Variants in CRACD observed in about 807,000 individuals in gnomAD.
The protein encoded by CRACD is capping protein inhibiting regulator of actin dynamics.
CRACD carries 56 observed loss-of-function variants against 106.8 expected under a neutral mutation model. The observed-to-expected ratio is 0.52, with a 90% CI of 0.42 to 0.66. CRACD has a LOEUF of 0.66. Among genes scored for constraint, CRACD ranks in the 30% least tolerant of loss-of-function variants. The pLI is 0.00. For missense variants in CRACD, 1,730 were observed against 1,623.2 expected (o/e 1.07, Z -1.13); for synonymous variants, 754 against 670.8 (o/e 1.12, Z -1.92).
intron 1 of CRACD, among the ~76,000 whole-genome samples, chr4:56,092,673 A>T (rs1431110278): frequency 1.3e-5 from 2 of 151,998 alleles, no homozygotes; most frequent in African/African-American, 4.8e-5. Flanking sequence ...GTGATCATAC[A>T]TCGTTGTAGC....
At chr4:56,254,130 T>C (rs1190932245) in intron 2 of CRACD, among the ~76,000 whole-genome samples, 1 of 152,200 alleles carries the variant, frequency 6.6e-6, no homozygotes. Flanking sequence ...CGGGAATCTA[T>C]TACTGGTCTG....
Position 56,314,722 on chromosome 4 carries a change from A to AGGG in CRACD, c.1221_1223dup (p.Gly408dup). On this transcript the variant is annotated inframe_insertion, in exon 8 of 11. Coordinates refer to ENST00000682029, the MANE Select transcript of CRACD (RefSeq NM_001393381.1). The surrounding 1 kb of genome is among the most constrained non-coding windows in gnomAD (Gnocchi z 4.4). ...GAGGATCTGGGGGAAGAGGAGGAGG[A>AGGG]GGGCCAGGCGCACCTGGAGGACTGG... 6.4e-7 allele frequency: 1 copy of AGGG among 1,568,932 alleles called. No individual in the cohort carries two copies. The highest frequency in any genetic ancestry group is 8.6e-7 in the Non-Finnish European group (1 of 1,157,242).
intron 3 of CRACD, among the ~76,000 whole-genome samples, chr4:56,281,835 TTACAGACCGGAG>T (rs1230897871): frequency 6.6e-6 from 1 of 152,140 alleles, no homozygotes; most frequent in African/African-American, 2.4e-5. Flanking sequence ...AGGACTGAGC[TTACAGACCGGAG>T]TAGATGACCC....
rs535057054 is a variant in CRACD, at chr4:56,088,996, A to T, written c.-336+39697A>T. Among the ~76,000 whole-genome samples the T allele has an allele frequency of 4.6e-5, 7 of 152,352 alleles. No individual in the cohort carries two copies. In the South Asian group the frequency reaches 1.4e-3, roughly 32 times the overall value. ...TGCCTTGGCCTCCCAAAGTGCTGGG[A>T]TTATAGGCATGAGCCACCATGCCCA... On this transcript the variant is annotated intron_variant, in intron 1 of 10. Coordinates refer to ENST00000682029, the MANE Select transcript of CRACD (RefSeq NM_001393381.1).
chr4:56,074,721 T>C (rs1332918279), intron 1 of CRACD, among the ~76,000 whole-genome samples: 1 of 152,176 alleles, frequency 6.6e-6, no homozygotes, highest in Admixed American at 6.5e-5. Context: ...TTCAATACTA[T>C]GTTGAATAGG....
At chr4:56,120,121 A>T (rs1328116714) in intron 1 of CRACD, among the ~76,000 whole-genome samples, 1 of 152,242 alleles carries the variant, frequency 6.6e-6, no homozygotes, top group East Asian at 1.9e-4. Flanking sequence ...ATGCTAAATC[A>T]GTGTTCACTG....
intron 2 of CRACD, among the ~76,000 whole-genome samples, chr4:56,213,663 T>C (rs904234353): frequency 1.3e-5 from 2 of 152,170 alleles, no homozygotes; most frequent in African/African-American, 4.8e-5. Flanking sequence ...GCTGGATTGG[T>C]TACAGTTTGG....
At chr4:56,217,336 G>A (rs1738757766) in intron 2 of CRACD, among the ~76,000 whole-genome samples, 2 of 151,362 alleles carry the variant, frequency 1.3e-5, no homozygotes, top group Admixed American at 1.3e-4. Flanking sequence ...GCCCAAGGTG[G>A]TTGGGCTTCA....
chr4:56,127,313 C>T (rs1734690219), intron 1 of CRACD, among the ~76,000 whole-genome samples: 1 of 152,172 alleles, frequency 6.6e-6, no homozygotes, highest in African/African-American at 2.4e-5. Context: ...GCAGCACAAA[C>T]GGACTAAGAC....
intron 2 of CRACD, among the ~76,000 whole-genome samples, chr4:56,255,871 C>G (rs1209534793): frequency 6.6e-6 from 1 of 152,186 alleles, no homozygotes; most frequent in African/African-American, 2.4e-5. Flanking sequence ...AACCAAAAAG[C>G]TGCTCATTTT....
intron 10 of CRACD, among the ~76,000 whole-genome samples, chr4:56,325,498 G>A (rs979432262): frequency 6.6e-6 from 1 of 152,188 alleles, no homozygotes; most frequent in African/African-American, 2.4e-5. Flanking sequence ...GTGATTTCAC[G>A]CAGCGGGTTT....
chr4:56,085,040 T>G (rs962600324), intron 1 of CRACD, among the ~76,000 whole-genome samples: 4 of 152,204 alleles, frequency 2.6e-5, no homozygotes, highest in Non-Finnish European at 5.9e-5. Context: ...CTCCACAGTT[T>G]GCTTTTATGT....
chr4:56,101,483 C>T (rs1327159278), intron 1 of CRACD, among the ~76,000 whole-genome samples: 1 of 152,082 alleles, frequency 6.6e-6, no homozygotes, highest in African/African-American at 2.4e-5. Context: ...AATGTGTTGG[C>T]CGGGTGCAGT....
rs547780520 is a variant in CRACD, at chr4:56,303,277, G to A, written c.121-4258G>A. Among the ~76,000 whole-genome samples the A allele has an allele frequency of 3.8e-3, 583 of 152,130 alleles. 6 individuals are homozygous for A. The highest frequency in any genetic ancestry group is 0.013 in the African/African-American group (553 of 41,502). Reference sequence around the variant, plus strand: ...GGAGAATCGCTTGAACCCCAGAGGCGGAGGCTGCAGTGAGCCGAGATCGTG... The same window carrying A: ...GGAGAATCGCTTGAACCCCAGAGGCAGAGGCTGCAGTGAGCCGAGATCGTG... On this transcript the variant is annotated intron_variant, in intron 4 of 10. Coordinates refer to ENST00000682029, the MANE Select transcript of CRACD (RefSeq NM_001393381.1).
At position 56,316,374 on chromosome 4, in the gene CRACD, G is replaced by T. The variant is rs1438969483; in HGVS notation, c.2872G>T (p.Ala958Ser). The T allele has an allele frequency of 1.9e-5, 30 of 1,613,968 alleles. No homozygotes were observed. The highest frequency in any genetic ancestry group is 2.3e-5 in the Non-Finnish European group (27 of 1,179,962). ...CAAGGCAGCAAACAAAATGCCACTG[G>T]CACAAAAGCCAGCACTGGCTCCCAA... ...HDKAANKMPL[A>S]QKPALAPKPT... The change falls in exon 8 of 11, where the codon GCA (alanine) becomes TCA (serine). Residue 958 changes from alanine (A) to serine (S), a missense_variant. This residue lies in a region of CRACD where 1,620 missense variants were observed against 1,481.6 expected (regional missense o/e 1.09). Transcript: ENST00000682029.
rs2109810509 is a variant in CRACD, at chr4:56,328,470, C to T, written c.*666C>T. On this transcript the variant is annotated 3_prime_UTR_variant, in exon 11 of 11. Transcript: ENST00000682029. ...TGTGGGGCCCTGTTATTCCAATACC[C>T]TCCTTAAGGACATGTGAAGCATTTG... 1 of 504,834 alleles carries T rather than the reference C, an allele frequency of 2.0e-6. No individual in the cohort carries two copies. The allele number at this position is 504,834 out of a possible 1,614,324, so 31.3% of individuals were successfully genotyped here.
intron 4 of CRACD, among the ~76,000 whole-genome samples, chr4:56,299,430 G>C (rs1744235438): frequency 6.6e-6 from 1 of 151,952 alleles, no homozygotes; most frequent in African/African-American, 2.4e-5. Flanking sequence ...AGCACTTTGG[G>C]AGGCCGAGGT....
intron 10 of CRACD, among the ~76,000 whole-genome samples, chr4:56,325,651 C>T (rs551289762): frequency 1.6e-4 from 24 of 152,192 alleles, no homozygotes; most frequent in African/African-American, 5.5e-4. Flanking sequence ...AAAGGTAAAA[C>T]GATGTAATGT....
chr4:56,309,791 T>C (rs1399916423), intron 5 of CRACD, among the ~76,000 whole-genome samples: 3 of 151,934 alleles, frequency 2.0e-5, no homozygotes, highest in African/African-American at 7.3e-5. Context: ...GAGGCAGAGG[T>C]TGCAGTGAGC....
Sources: gnomAD v4.1 joint callset for allele counts (sites outside exome capture counted in the v4.1 genomes callset) on GRCh38, gnomAD v4.1.1 for gene constraint, gnomAD v4.1.1 regional missense constraint, Gnocchi (gnomAD v3.1) non-coding constraint, MANE v1.5 for transcripts, NCBI Gene and HGNC (gene_info 2026-07-23, HGNC 2026-07-21) for gene names.